The following TENM3 variants were observed in gnomAD, a reference collection of about 807,000 sequenced individuals.
The protein encoded by TENM3 is teneurin-3.
Under a neutral mutation model 255.1 loss-of-function variants are expected in TENM3, and 63 were observed. The observed-to-expected ratio is 0.25, with a 90% confidence interval of 0.20 to 0.30. The LOEUF is 0.30. Ranked by LOEUF, TENM3 falls within the 10% of genes least tolerant of loss-of-function variation. The probability of loss-of-function intolerance (pLI) is 1.00; values close to 1 mark genes in which losing one functional copy is unlikely to be tolerated. For synonymous variants in TENM3, 1,306 were observed against 1,322.3 expected (o/e 0.99, Z 0.27); for missense variants, 2,929 against 3,461.1 (o/e 0.85, Z 3.86).
At chr4:181,676,078 G>T in the TENM3 span, among the ~76,000 whole-genome samples, 2 of 103,682 alleles carry the variant, frequency 1.9e-5, no homozygotes, top group Admixed American at 9.1e-5. Flanking sequence ...GCTGCGGGAA[G>T]GGGGGGTGCA....
the TENM3 span, among the ~76,000 whole-genome samples, chr4:181,896,942 G>A: frequency 1.3e-5 from 2 of 152,280 alleles, no homozygotes; most frequent in South Asian, 2.1e-4. Flanking sequence ...CACACTGCGG[G>A]AGACCTTCTT....
chr4:182,737,842 C>G (rs1210742501), intron 17 of TENM3, among the ~76,000 whole-genome samples: 2 of 152,062 alleles, frequency 1.3e-5, no homozygotes, highest in Non-Finnish European at 2.9e-5. Flanking sequence ...ATTTTAAATT[C>G]CCTGTTTCAT....
intron 5 of TENM3, 57 bp downstream of exon 5, chr4:182,628,946 AT>A: frequency 9.9e-7 from 1 of 1,011,922 alleles, no homozygotes. Flanking sequence ...ACATTGTTTT[AT>A]TACTTGTATT....
the TENM3 span, among the ~76,000 whole-genome samples, chr4:182,017,503 T>C: frequency 1.1e-3 from 168 of 152,276 alleles, no homozygotes; most frequent in African/African-American, 3.8e-3. Context: ...TACAAAGGAG[T>C]ATATGATTTC....
the TENM3 span, among the ~76,000 whole-genome samples, chr4:181,897,275 T>G: frequency 6.6e-6 from 1 of 152,216 alleles, no homozygotes; most frequent in African/African-American, 2.4e-5. Flanking sequence ...TGGGTCTTAT[T>G]GGCATCTTCC....
At chr4:182,623,812 G>A (rs1159478300) in intron 4 of TENM3, among the ~76,000 whole-genome samples, 2 of 152,062 alleles carry the variant, frequency 1.3e-5, no homozygotes, top group Non-Finnish European at 2.9e-5. Context: ...TGATATTGCG[G>A]GGGTCGCCTT....
chr4:182,600,918 T>G lies in TENM3; in HGVS notation c.512-6T>G. 1 of 1,423,102 alleles carries G rather than the reference T, an allele frequency of 7.0e-7. No homozygotes were observed. The highest frequency in any genetic ancestry group is 9.5e-7 in the Non-Finnish European group (1 of 1,052,150). 88.2% of individuals were successfully genotyped at this position (1,423,102 alleles called of 1,614,324 possible). A position where few individuals can be genotyped will look rare whatever the true frequency, so the allele number is the denominator to read the frequency against. On this transcript the variant is annotated splice_region_variant and splice_polypyrimidine_tract_variant and intron_variant, in intron 3 of 27. Coordinates refer to ENST00000511685, the MANE Select transcript of TENM3 (RefSeq NM_001080477.4). ...CTTTCTTTTTTTTTTTTTTTTTTTT[T>G]TTCAGAGCAACCTGCAAGCAATCAA...
intron 3 of TENM3, among the ~76,000 whole-genome samples, chr4:182,476,404 C>T (rs536091845): frequency 1.3e-5 from 2 of 152,174 alleles, no homozygotes; most frequent in East Asian, 3.9e-4. Flanking sequence ...TTAAGACAGG[C>T]TTGATGATTT....
chr4:181,867,540 C>T, the TENM3 span, among the ~76,000 whole-genome samples: 1 of 152,078 alleles, frequency 6.6e-6, no homozygotes, highest in African/African-American at 2.4e-5. Context: ...GCTTAATTTC[C>T]TTGAAGAAAA....
At chr4:181,974,422 G>A in the TENM3 span, among the ~76,000 whole-genome samples, 3 of 152,044 alleles carry the variant, frequency 2.0e-5, no homozygotes, top group African/African-American at 7.2e-5. Context: ...ACAAAAATTA[G>A]TCAGGCATGC....
At chr4:182,539,729 T>A (rs1447672709) in intron 3 of TENM3, among the ~76,000 whole-genome samples, 1 of 152,248 alleles carries the variant, frequency 6.6e-6, no homozygotes, top group Non-Finnish European at 1.5e-5. Flanking sequence ...ACACTTTCTA[T>A]GTGTCATGCA....
rs80127379 is a variant in TENM3 at position 182,650,525 on chromosome 4, A to C, written c.989-3246A>C. Among the ~76,000 whole-genome samples, 1,362 of 149,798 alleles carry C rather than the reference A, an allele frequency of 9.1e-3. 41 individuals carry two copies. The highest frequency in any genetic ancestry group is 0.031 in the African/African-American group (1,281 of 41,246). On this transcript the variant is annotated intron_variant, in intron 5 of 27. Transcript: ENST00000511685. ...TCTGCCAGATACCCCATTTAGTTTT[A>C]TTACACCACTGCTCAGTAATTTCTG...
chr4:181,671,881 G>A, the TENM3 span, among the ~76,000 whole-genome samples: 9 of 152,170 alleles, frequency 5.9e-5, no homozygotes, highest in Admixed American at 1.3e-4. Context: ...CCTGGCCCAG[G>A]GACGCATTTC....
chr4:181,617,687 T>C, the TENM3 span, among the ~76,000 whole-genome samples: 2 of 152,318 alleles, frequency 1.3e-5, no homozygotes, highest in Admixed American at 1.3e-4. Flanking sequence ...AATGAGCTCA[T>C]GGACTACGAC....
intron 1 of TENM3, among the ~76,000 whole-genome samples, chr4:182,189,488 A>T (rs1342649733): frequency 6.6e-6 from 1 of 152,160 alleles, no homozygotes; most frequent in Non-Finnish European, 1.5e-5. Flanking sequence ...AGGGGGAAAG[A>T]TCCACTGGGA....
chr4:182,623,552 C>T (rs2102690), intron 4 of TENM3, among the ~76,000 whole-genome samples: 63,650 of 151,118 alleles, frequency 0.42, 14,153 homozygotes, highest in African/African-American at 0.57. Context: ...GGGCTGGTCT[C>T]GACTCCTGAG....
intron 1 of TENM3, among the ~76,000 whole-genome samples, chr4:182,204,873 T>C (rs1326817780): frequency 6.6e-6 from 1 of 152,212 alleles, no homozygotes; most frequent in South Asian, 2.1e-4. Flanking sequence ...CCTATAGAGA[T>C]TGCATTTGGA....
At chr4:181,601,561 G>T in the TENM3 span, among the ~76,000 whole-genome samples, 1 of 152,130 alleles carries the variant, frequency 6.6e-6, no homozygotes, top group African/African-American at 2.4e-5. Context: ...ATTGCAGTGG[G>T]AGTCTAAATT....
intron 22 of TENM3, among the ~76,000 whole-genome samples, chr4:182,760,990 A>C (rs1201042288): frequency 6.6e-6 from 1 of 152,100 alleles, no homozygotes; most frequent in Non-Finnish European, 1.5e-5. Flanking sequence ...ATTAGAAAAG[A>C]TATCATTAAT....
Sources: allele counts gnomAD v4.1 joint callset (sites outside exome capture counted in the v4.1 genomes callset), GRCh38; gene constraint gnomAD v4.1.1; transcripts MANE v1.5; gene names NCBI Gene and HGNC (gene_info 2026-07-23, HGNC 2026-07-21).